ADGRV1: variants seen among roughly 807,000 people sequenced by gnomAD.
ADGRV1 encodes G-protein coupled receptor 98.
ADGRV1 carries 359 observed loss-of-function variants against 596.2 expected under a neutral mutation model. The ratio of observed to expected loss-of-function variants is 0.60; its 90% CI spans 0.55 to 0.66. The LOEUF (loss-of-function observed/expected upper bound fraction) is 0.66. Among genes scored for constraint, ADGRV1 ranks in the 30% least tolerant of loss-of-function variants. The pLI is 0.00. For synonymous variants in ADGRV1, 2,681 were observed against 2,679.2 expected (o/e 1.00, Z -0.02); for missense variants, 7,274 against 7,575.6 (o/e 0.96, Z 1.48).
intron 43 of ADGRV1, among the ~76,000 whole-genome samples, chr5:90,719,075 C>T (rs369141212): frequency 1.3e-5 from 2 of 152,038 alleles, no homozygotes; most frequent in Admixed American, 6.5e-5. Context: ...TAGTGGCACA[C>T]GCCTGTAATC....
At chr5:90,959,853 T>C (rs902613953) in intron 83 of ADGRV1, among the ~76,000 whole-genome samples, 8 of 152,114 alleles carry the variant, frequency 5.3e-5, no homozygotes, top group African/African-American at 1.9e-4. Flanking sequence ...TAGAAATAGA[T>C]CAGTGTCTGG....
chr5:90,749,128 C>T (rs1013284726), intron 52 of ADGRV1, among the ~76,000 whole-genome samples: 1 of 152,194 alleles, frequency 6.6e-6, no homozygotes, highest in Non-Finnish European at 1.5e-5. Context: ...TGGTAGATTT[C>T]CCTTTATGAA....
intron 25 of ADGRV1, among the ~76,000 whole-genome samples, chr5:90,677,869 G>A (rs1039106808): frequency 6.6e-6 from 1 of 152,148 alleles, no homozygotes; most frequent in African/African-American, 2.4e-5. Context: ...CATATGTAGG[G>A]ACTGTCTAAC....
chr5:90,874,234 G>C (rs1164621868), intron 83 of ADGRV1, among the ~76,000 whole-genome samples: 3 of 152,022 alleles, frequency 2.0e-5, no homozygotes, highest in Non-Finnish European at 2.9e-5. Flanking sequence ...CCTACATCCT[G>C]TGTTCTAGTT....
chr5:91,003,599 A>G (rs1000781696), intron 85 of ADGRV1, among the ~76,000 whole-genome samples: 1 of 152,220 alleles, frequency 6.6e-6, no homozygotes, highest in African/African-American at 2.4e-5. Flanking sequence ...CTTGATAAAC[A>G]GGGAGGGAAA....
intron 1 of ADGRV1, among the ~76,000 whole-genome samples, chr5:90,610,219 CGTT>C (rs1408508136): frequency 1.3e-5 from 2 of 151,792 alleles, no homozygotes; most frequent in Non-Finnish European, 2.9e-5. Flanking sequence ...TATAATGACA[CGTT>C]GTTGATGAAT....
intron 45 of ADGRV1, among the ~76,000 whole-genome samples, chr5:90,723,837 T>G (rs888131354): frequency 1.3e-5 from 2 of 152,148 alleles, no homozygotes; most frequent in African/African-American, 4.8e-5. Flanking sequence ...AACTTAATGT[T>G]TTGGAGGGAA....
intron 30 of ADGRV1, 75 bp from the exon 31 acceptor site, chr5:90,690,722 A>G: frequency 7.1e-7 from 1 of 1,401,364 alleles, no homozygotes; most frequent in Middle Eastern, 1.8e-4. Flanking sequence ...AATCCACTAT[A>G]GGATGGTGCT....
At chr5:90,871,480 G>A (rs1581382618) in intron 83 of ADGRV1, among the ~76,000 whole-genome samples, 2 of 152,142 alleles carry the variant, frequency 1.3e-5, no homozygotes, top group East Asian at 3.9e-4. Context: ...ACAATACTGG[G>A]AAATTCAGAC....
At chr5:90,820,975 T>A (rs2150284699) in intron 75 of ADGRV1, among the ~76,000 whole-genome samples, 1 of 151,964 alleles carries the variant, frequency 6.6e-6, no homozygotes, top group South Asian at 2.1e-4. Context: ...CTTGCTAGAT[T>A]GGGGAAGTTC....
At chr5:91,006,925 A>T (rs1210356595) in intron 85 of ADGRV1, among the ~76,000 whole-genome samples, 1 of 152,120 alleles carries the variant, frequency 6.6e-6, no homozygotes, top group East Asian at 1.9e-4. Flanking sequence ...ACAGTGGGTG[A>T]TTGCCAACAA....
In ADGRV1 at chr5:91,163,837, C is replaced by A. The variant is rs1006984144; in HGVS notation, c.18858C>A (p.Gly6286=). 19 of 1,606,790 alleles carry A rather than the reference C, an allele frequency of 1.2e-5. No homozygotes were observed. The highest frequency in any genetic ancestry group is 1.6e-5 in the Non-Finnish European group (19 of 1,175,254). The change falls in exon 90 of 90, where the codon GGC becomes GGA. Residue 6286 remains glycine, a synonymous_variant. Coordinates refer to ENST00000405460, the MANE Select transcript of ADGRV1 (RefSeq NM_032119.4). The part of the protein sequence containing the change: ...NESGQGSQEG[G]TLTDSQIVEL... ...CTGGTCAAGGCAGCCAGGAGGGGGGCACCTTGACTGACTCCCAGATCGTGG... is the reference window on the plus strand; with the variant it reads ...CTGGTCAAGGCAGCCAGGAGGGGGGAACCTTGACTGACTCCCAGATCGTGG...
chr5:90,853,197 C>A, intron 79 of ADGRV1, 87 bp from the exon 80 acceptor site: 1 of 1,265,910 alleles, frequency 7.9e-7, no homozygotes, highest in Non-Finnish European at 1.1e-6. Context: ...GAATAGAATC[C>A]AAGTGTAATG....
chr5:90,572,937 A>G (rs1756736345), intron 1 of ADGRV1, among the ~76,000 whole-genome samples: 1 of 152,170 alleles, frequency 6.6e-6, no homozygotes, highest in African/African-American at 2.4e-5. Context: ...GGTGGCATTT[A>G]AAAGGAATTT....
At position 90,692,678 on chromosome 5, in the gene ADGRV1, T is replaced by C; in HGVS notation, c.7025T>C (p.Ile2342Thr). The change falls in exon 32 of 90, where the codon ATT becomes ACT. Residue 2342 changes from isoleucine to threonine, a missense_variant. Coordinates refer to ENST00000405460, the MANE Select transcript of ADGRV1 (RefSeq NM_032119.4). ...IGLDRIANII[I>T]PANDDPYGTV... ...TTAGATCGAATTGCAAATATTATTA[T>C]TCCTGCCAATGATGATCCTTATGGT... 1 of 1,611,312 alleles carries C rather than the reference T, an allele frequency of 6.2e-7. No homozygotes were observed. Among genetic ancestry groups the C allele is most frequent in the Non-Finnish European group, 8.5e-7 (1 of 1,178,698 alleles).
chr5:90,744,613 A>C (rs918561278), intron 50 of ADGRV1, among the ~76,000 whole-genome samples: 20 of 152,144 alleles, frequency 1.3e-4, no homozygotes, highest in African/African-American at 4.8e-4. Flanking sequence ...GTTAATTAAG[A>C]GTTTTTTGTA....
chr5:90,589,936 A>G (rs1331282331), intron 1 of ADGRV1, among the ~76,000 whole-genome samples: 3 of 152,190 alleles, frequency 2.0e-5, no homozygotes, highest in African/African-American at 4.8e-5. Flanking sequence ...GTGCTTTTCT[A>G]TGGATATACT....
At chr5:90,789,252 C>T (rs1442966976) in intron 68 of ADGRV1, among the ~76,000 whole-genome samples, 1 of 152,098 alleles carries the variant, frequency 6.6e-6, no homozygotes, top group Non-Finnish European at 1.5e-5. Context: ...ACAGTGACAT[C>T]TAGATGAGCG....
At chr5:90,594,559 A>G (rs934569389) in intron 1 of ADGRV1, among the ~76,000 whole-genome samples, 1 of 142,960 alleles carries the variant, frequency 7.0e-6, no homozygotes, top group Non-Finnish European at 1.5e-5. Flanking sequence ...TCATAGGACA[A>G]TAGTGGAGGG....
Sources: allele counts gnomAD v4.1 joint callset (sites outside exome capture counted in the v4.1 genomes callset), GRCh38; gene constraint gnomAD v4.1.1; transcripts MANE v1.5; gene names NCBI Gene and HGNC (gene_info 2026-07-23, HGNC 2026-07-21).